The following FAM220A variants were observed in gnomAD, a reference collection of about 807,000 sequenced individuals.
The protein encoded by FAM220A is protein FAM220A.
For synonymous variants in FAM220A, 141 were observed against 130.7 expected (o/e 1.08, Z -0.54); for missense variants, 392 against 321.6 (o/e 1.22, Z -1.68).
Position 6,330,217 on chromosome 7 carries a change from G to C in FAM220A, c.*158C>G. 1.4e-6 allele frequency: 1 copy of C among 726,638 alleles called. No homozygotes were observed. The highest frequency in any genetic ancestry group is 3.9e-4 in the Middle Eastern group (1 of 2,532). 45.0% of individuals were successfully genotyped at this position (726,638 alleles called of 1,614,324 possible). On this transcript the variant is annotated 3_prime_UTR_variant, in exon 2 of 2. Transcript: ENST00000313324. ...AAAAAAGTTCCTTCCGCATCAACTG[G>C]CTTTGAATTTAAACTCAATTTACTT...
intron 1 of FAM220A, among the ~76,000 whole-genome samples, chr7:6,338,159 C>T (rs1268118935): frequency 6.6e-6 from 1 of 152,192 alleles, no homozygotes; most frequent in Non-Finnish European, 1.5e-5. Flanking sequence ...CCTCAACTAA[C>T]CTCTTCTGGT....
At chr7:6,348,512 T>A (rs988068933) in intron 1 of FAM220A, 61 bp downstream of exon 1, 13 of 411,672 alleles carry the variant, frequency 3.2e-5, no homozygotes, top group Non-Finnish European at 5.1e-5. Flanking sequence ...GGCGTCTGCA[T>A]CCCGCGGGCG....
chr7:6,341,019 C>G (rs1346019194), intron 1 of FAM220A, among the ~76,000 whole-genome samples: 1 of 146,636 alleles, frequency 6.8e-6, no homozygotes, highest in Non-Finnish European at 1.5e-5. Context: ...TGGTGGGAAC[C>G]TACAGTCCCA....
In FAM220A at chr7:6,348,766, C is replaced by T. The variant is rs1373104621; in HGVS notation, c.-275G>A. On this transcript the variant is annotated 5_prime_UTR_variant, in exon 1 of 2. Transcript: ENST00000313324. ...CGACAGAGCCGCCGCCATATAGAGA[C>T]CGGCGCTCCCACAGCCCCCCCGCCC... The T allele has an allele frequency of 7.5e-6, 3 of 398,894 alleles. No individual in the cohort carries two copies. Among genetic ancestry groups the T allele is most frequent in the Non-Finnish European group, 1.3e-5 (3 of 226,038 alleles). 24.7% of individuals were successfully genotyped at this position (398,894 alleles called of 1,614,324 possible).
intron 1 of FAM220A, among the ~76,000 whole-genome samples, chr7:6,338,295 G>A (rs910019716): frequency 6.6e-6 from 1 of 152,064 alleles, no homozygotes; most frequent in African/African-American, 2.4e-5. Flanking sequence ...GAGATATATT[G>A]TACCAGATAA....
chr7:6,340,906 A>AG (rs1439589606), intron 1 of FAM220A, among the ~76,000 whole-genome samples: 2 of 148,562 alleles, frequency 1.3e-5, no homozygotes, highest in African/African-American at 5.0e-5. Flanking sequence ...CTCAAAAAAA[A>AG]AAAAAAAAAA....
rs774951695 is a variant in FAM220A, at chr7:6,330,390, T to G, written c.765A>C (p.Thr255=). The part of the protein sequence containing the change: ...LALQPFELAN[T]LCHS The stretch of plus-strand genomic sequence containing the variant: ...TGCTTGTACCTTAACTATGGCATAA[T>G]GTATTTGCTAATTCAAAAGGTTGCA... The change falls in exon 2 of 2, where the codon ACA becomes ACC. Residue 255 remains threonine, a synonymous_variant. Coordinates refer to ENST00000313324, the MANE Select transcript of FAM220A (RefSeq NM_001037163.2). The G allele has an allele frequency of 1.2e-6, 2 of 1,612,454 alleles. No individual in the cohort carries two copies. The highest frequency in any genetic ancestry group is 1.1e-5 in the South Asian group (1 of 90,788).
At position 6,341,537 on chromosome 7, in the gene FAM220A, T is replaced by A. The variant is rs565609409; in HGVS notation, c.-82+7036A>T. The stretch of plus-strand genomic sequence containing the variant: ...GCCTCTACTAAAAAAAAATTTTTTT[T>A]AAATTAGCCAGGTGTAGTGGTGGGA... On this transcript the variant is annotated intron_variant, in intron 1 of 1. Coordinates refer to ENST00000313324, the MANE Select transcript of FAM220A (RefSeq NM_001037163.2). Among the ~76,000 whole-genome samples, 75 of 142,718 alleles carry A rather than the reference T, an allele frequency of 5.3e-4. 1 individual carries two copies. In the South Asian group the frequency reaches 8.0e-3, roughly 15 times the overall value. 93.6% of individuals were successfully genotyped at this position (142,718 alleles called of 152,430 possible). A position where few individuals can be genotyped will look rare whatever the true frequency, so the allele number is the denominator to read the frequency against.
intron 1 of FAM220A, among the ~76,000 whole-genome samples, chr7:6,334,130 GC>G (rs1781700652): frequency 6.6e-6 from 1 of 151,490 alleles, no homozygotes; most frequent in South Asian, 2.1e-4. Flanking sequence ...ACAAGCGTGA[GC>G]CACCGCACCC....
intron 1 of FAM220A, among the ~76,000 whole-genome samples, chr7:6,335,074 A>AT (rs1003229722): frequency 6.8e-6 from 1 of 148,116 alleles, no homozygotes; most frequent in African/African-American, 2.5e-5. Context: ...GCCAGTGGTT[A>AT]TTTTTTGAGA....
At chr7:6,341,453 A>T (rs937743338) in intron 1 of FAM220A, among the ~76,000 whole-genome samples, 25 of 148,990 alleles carry the variant, frequency 1.7e-4, no homozygotes, top group East Asian at 1.4e-3. Flanking sequence ...AAAAAATAAT[A>T]ATAATAATTA....
In FAM220A at chr7:6,348,896, C is replaced by T; in HGVS notation, c.-405G>A. The T allele has an allele frequency of 2.6e-6, 1 of 387,534 alleles. No individual in the cohort carries two copies. Among genetic ancestry groups the T allele is most frequent in the Non-Finnish European group, 4.6e-6 (1 of 219,414 alleles). The allele number at this position is 387,534 out of a possible 1,614,324, so 24.0% of individuals were successfully genotyped here. A position where few individuals can be genotyped will look rare whatever the true frequency, so the allele number is the denominator to read the frequency against. On this transcript the variant is annotated 5_prime_UTR_variant, in exon 1 of 2. Transcript: ENST00000313324. ...GGCGGGCGGGCGGGCCGCAGTGGAG[C>T]GGAGTCCGCACGTCACGCTCGGAGA...
intron 1 of FAM220A, among the ~76,000 whole-genome samples, chr7:6,344,628 A>C (rs890356261): frequency 1.3e-5 from 2 of 152,112 alleles, no homozygotes; most frequent in Admixed American, 6.6e-5. Flanking sequence ...CCTGTTGCCC[A>C]GGCTGGTCTC....
In FAM220A at chr7:6,331,244, G is replaced by A. The variant is rs746460281; in HGVS notation, c.-81-9C>T. On this transcript the variant is annotated splice_polypyrimidine_tract_variant and intron_variant, in intron 1 of 1. Transcript: ENST00000313324. ...TGGATCTCAATATGAACCTAGGAAA[G>A]GGAATCAAATTAAAGTTCTAAAATG... The A allele has an allele frequency of 1.6e-5, 21 of 1,325,780 alleles. No individual in the cohort carries two copies. In the African/African-American group the frequency reaches 2.8e-4, roughly 18 times the overall value. The allele number at this position is 1,325,780 out of a possible 1,614,324, so 82.1% of individuals were successfully genotyped here.
rs754374539 is a variant in FAM220A, at chr7:6,330,852, G to T, written c.303C>A (p.Ser101Arg). 15 of 1,614,204 alleles carry T rather than the reference G, an allele frequency of 9.3e-6. No individual in the cohort carries two copies. Among genetic ancestry groups the T allele is most frequent in the Non-Finnish European group, 1.3e-5 (15 of 1,180,028 alleles). ...GAGCAGGGAACAAACCCACGGCTGTGCTCGGAGTGGCTGCTGAGGCTGGAT... is the reference window on the plus strand; with the variant it reads ...GAGCAGGGAACAAACCCACGGCTGTTCTCGGAGTGGCTGCTGAGGCTGGAT... The part of the protein sequence containing the change: ...RRNPASAATP[S>R]TAVGLFPAPT... Residue 101 changes from serine to arginine, a missense_variant, in exon 2 of 2, where the codon AGC (serine) becomes AGA (arginine). Transcript: ENST00000313324.
Position 6,330,874 on chromosome 7 carries a change from G to C in FAM220A, c.281C>G (p.Pro94Arg). The C allele has an allele frequency of 6.2e-7, 1 of 1,614,186 alleles. No individual in the cohort carries two copies. Among genetic ancestry groups the C allele is most frequent in the Non-Finnish European group, 8.5e-7 (1 of 1,180,042 alleles). Residue 94 changes from proline (P) to arginine (R), a missense_variant, in exon 2 of 2, where the codon CCA becomes CGA. Physicochemically the swap from Pro to Arg is moderately radical, Grantham distance 103. Transcript: ENST00000313324. ...TGTGCTCGGAGTGGCTGCTGAGGCTGGATTTCTTCTTACTGATTCTCTCAC... is the reference window on the plus strand; with the variant it reads ...TGTGCTCGGAGTGGCTGCTGAGGCTCGATTTCTTCTTACTGATTCTCTCAC... ...PYVRESVRRN[P>R]ASAATPSTAV...
chr7:6,337,911 C>G (rs921397566), intron 1 of FAM220A, among the ~76,000 whole-genome samples: 1 of 151,604 alleles, frequency 6.6e-6, no homozygotes, highest in Non-Finnish European at 1.5e-5. Context: ...TCAAGCAATT[C>G]TCCTGCCTCA....
intron 1 of FAM220A, among the ~76,000 whole-genome samples, chr7:6,332,989 T>C (rs1781667275): frequency 6.6e-6 from 1 of 151,942 alleles, no homozygotes; most frequent in South Asian, 2.1e-4. Flanking sequence ...TGAAACCCTG[T>C]CTCTATCAAA....
In FAM220A at chr7:6,336,306, C is replaced by T. The variant is rs527690280; in HGVS notation, c.-81-5071G>A. On this transcript the variant is annotated intron_variant, in intron 1 of 1. Transcript: ENST00000313324. ...AAGGCTGCAGTAAGCTGTGATCACACCACTATACTCCAGCCTGCGCAATTA... is the reference window on the plus strand; with the variant it reads ...AAGGCTGCAGTAAGCTGTGATCACATCACTATACTCCAGCCTGCGCAATTA... 1.3e-5 allele frequency among the ~76,000 whole-genome samples: 2 copies of T among 152,136 alleles called. 1 individual carries two copies. The highest frequency in any genetic ancestry group is 2.9e-5 in the Non-Finnish European group (2 of 67,996).
Sources: allele counts gnomAD v4.1 joint callset (sites outside exome capture counted in the v4.1 genomes callset), GRCh38; gene constraint gnomAD v4.1.1; transcripts MANE v1.5; gene names NCBI Gene and HGNC (gene_info 2026-07-23, HGNC 2026-07-21).